The following FAM171A1 variants were observed in gnomAD, a reference collection of about 807,000 sequenced individuals.
FAM171A1 encodes protein FAM171A1.
FAM171A1 carries 23 observed loss-of-function variants against 74.9 expected under a neutral mutation model. The ratio of observed to expected loss-of-function variants is 0.31; its 90% confidence interval spans 0.22 to 0.44. The LOEUF (loss-of-function observed/expected upper bound fraction) is 0.44, where lower values mean the gene tolerates loss of function less well. Ranked by LOEUF, FAM171A1 falls within the 20% of genes least tolerant of loss-of-function variation. The probability of loss-of-function intolerance (pLI) is 1.00; values close to 1 mark genes in which losing one functional copy is unlikely to be tolerated. For missense variants in FAM171A1, 1,162 were observed against 1,159.2 expected (o/e 1.00, Z -0.03); for synonymous variants, 527 against 505.7 (o/e 1.04, Z -0.57).
chr10:15,342,865 T>C (rs1380613264), intron 1 of FAM171A1, among the ~76,000 whole-genome samples: 1 of 152,200 alleles, frequency 6.6e-6, no homozygotes, highest in Admixed American at 6.5e-5. Flanking sequence ...TTTTGATCAT[T>C]TGGAACCCTA....
Position 15,248,832 on chromosome 10 carries a change from T to G in FAM171A1, c.578-17A>C. 1 of 1,588,880 alleles carries G rather than the reference T, an allele frequency of 6.3e-7. No homozygotes were observed. Among genetic ancestry groups the G allele is most frequent in the African/African-American group, 1.3e-5 (1 of 74,204 alleles). Reference sequence around the variant, plus strand: ...TGCTGTTTCCTAGAAGGAAGAGGCATTTTCCATCATTTGCATGCAAAGTAC... The same window carrying G: ...TGCTGTTTCCTAGAAGGAAGAGGCAGTTTCCATCATTTGCATGCAAAGTAC... On this transcript the variant is annotated splice_polypyrimidine_tract_variant and intron_variant, in intron 4 of 7. Coordinates refer to ENST00000378116, the MANE Select transcript of FAM171A1 (RefSeq NM_001010924.2).
intron 1 of FAM171A1, among the ~76,000 whole-genome samples, chr10:15,311,947 G>A (rs538092708): frequency 6.6e-5 from 10 of 152,186 alleles, no homozygotes; most frequent in African/African-American, 9.6e-5. Context: ...TGTTCCTCAC[G>A]TACATTACGT....
chr10:15,260,843 C>T (rs546803725), intron 3 of FAM171A1, among the ~76,000 whole-genome samples: 57 of 152,234 alleles, frequency 3.7e-4, no homozygotes, highest in African/African-American at 1.3e-3. Context: ...TAGCAGCCCC[C>T]AAAATTTCTC....
rs1309000684 is a variant in FAM171A1, at chr10:15,212,000, A to C, written c.*915T>G. On this transcript the variant is annotated 3_prime_UTR_variant, in exon 8 of 8. Coordinates refer to ENST00000378116, the MANE Select transcript of FAM171A1 (RefSeq NM_001010924.2). ...GTTACACATGATAACTAGAGAGCAC[A>C]CTGTGTTGAAACGAGGATGCTGACC... 6.5e-6 allele frequency: 1 copy of C among 152,692 alleles called. No homozygotes were observed. The highest frequency in any genetic ancestry group is 1.5e-5 in the Non-Finnish European group (1 of 68,060). The allele number at this position is 152,692 out of a possible 1,614,324, so 9.5% of individuals were successfully genotyped here.
chr10:15,247,371 A>G (rs1834447941), intron 5 of FAM171A1, among the ~76,000 whole-genome samples: 1 of 152,188 alleles, frequency 6.6e-6, no homozygotes, highest in South Asian at 2.1e-4. Context: ...TCCTGGGCTC[A>G]AGCAATCCTC....
Position 15,264,980 on chromosome 10 carries a change from G to A in FAM171A1, c.419-10101C>T, listed in dbSNP as rs561400571. On this transcript the variant is annotated intron_variant, in intron 3 of 7. Transcript: ENST00000378116. ...TATTATCATTGCCATGCCTCAATACGACCGAGACAAGGAATCATACAATTA... is the reference window on the plus strand; with the variant it reads ...TATTATCATTGCCATGCCTCAATACAACCGAGACAAGGAATCATACAATTA... 1.1e-4 allele frequency among the ~76,000 whole-genome samples: 17 copies of A among 151,966 alleles called. 1 individual carries two copies. In the South Asian group the frequency reaches 3.1e-3, roughly 28 times the overall value.
intron 1 of FAM171A1, among the ~76,000 whole-genome samples, chr10:15,340,456 A>G (rs1297886808): frequency 6.6e-6 from 1 of 152,202 alleles, no homozygotes; most frequent in African/African-American, 2.4e-5. Context: ...AGTACAGTGC[A>G]TTGTGGAACT....
At chr10:15,266,686 C>A (rs1034997682) in intron 3 of FAM171A1, among the ~76,000 whole-genome samples, 1 of 151,698 alleles carries the variant, frequency 6.6e-6, no homozygotes, top group Non-Finnish European at 1.5e-5. Context: ...GGCAACATAG[C>A]GAGACCCCCG....
intron 5 of FAM171A1, among the ~76,000 whole-genome samples, chr10:15,232,954 C>T (rs1322248901): frequency 3.1e-4 from 47 of 152,218 alleles, no homozygotes; most frequent in Admixed American, 3.1e-3. Flanking sequence ...ATAGGAATAC[C>T]TGTTTTTCTA....
intron 1 of FAM171A1, among the ~76,000 whole-genome samples, chr10:15,328,150 A>T (rs1433616485): frequency 6.6e-6 from 1 of 151,494 alleles, no homozygotes; most frequent in African/African-American, 2.4e-5. Context: ...ACTGTTTTTT[A>T]AAATTTTTTC....
At chr10:15,236,517 G>GAGT (rs1301717679) in intron 5 of FAM171A1, among the ~76,000 whole-genome samples, 4 of 151,844 alleles carry the variant, frequency 2.6e-5, no homozygotes, top group Admixed American at 6.6e-5. Flanking sequence ...ACCACACAAC[G>GAGT]AGTCACCAGA....
At chr10:15,293,469 G>A (rs971095761) in intron 1 of FAM171A1, among the ~76,000 whole-genome samples, 1 of 151,998 alleles carries the variant, frequency 6.6e-6, no homozygotes, top group South Asian at 2.1e-4. Context: ...CTGTTTTTAA[G>A]GAGTTTACGG....
At chr10:15,318,537 G>A (rs977529610) in intron 1 of FAM171A1, among the ~76,000 whole-genome samples, 3 of 152,174 alleles carry the variant, frequency 2.0e-5, no homozygotes, top group African/African-American at 4.8e-5. Context: ...TGGATCCCGG[G>A]TGACAGAAAT....
chr10:15,327,424 C>T (rs561346950), intron 1 of FAM171A1, among the ~76,000 whole-genome samples: 1 of 152,244 alleles, frequency 6.6e-6, no homozygotes, highest in African/African-American at 2.4e-5. Flanking sequence ...CCAAGGCAGG[C>T]AGATCGCTTG....
intron 1 of FAM171A1, among the ~76,000 whole-genome samples, chr10:15,317,360 T>C (rs554306643): frequency 6.6e-6 from 1 of 152,286 alleles, no homozygotes; most frequent in Admixed American, 6.5e-5. Context: ...TATCTAAAAA[T>C]GAAGTCTGGT....
In FAM171A1 at chr10:15,259,279, C is replaced by T. The variant is rs111744750; in HGVS notation, c.419-4400G>A. ...CAACAGCGTATGTTACCTTATACTG[C>T]CTCTCACCTCAACTATTGTGAAAGC... On this transcript the variant is annotated intron_variant, in intron 3 of 7. Coordinates refer to ENST00000378116, the MANE Select transcript of FAM171A1 (RefSeq NM_001010924.2). Among the ~76,000 whole-genome samples, 115 of 152,268 alleles carry T rather than the reference C, an allele frequency of 7.6e-4. 1 individual carries two copies. The highest frequency in any genetic ancestry group is 2.7e-3 in the African/African-American group (111 of 41,554).
intron 1 of FAM171A1, among the ~76,000 whole-genome samples, chr10:15,365,196 A>G (rs1435938736): frequency 6.6e-6 from 1 of 152,170 alleles, no homozygotes; most frequent in African/African-American, 2.4e-5. Context: ...TTTATCTATG[A>G]GATTCCTACT....
intron 1 of FAM171A1, among the ~76,000 whole-genome samples, chr10:15,301,187 T>A (rs1195941724): frequency 1.3e-5 from 2 of 151,974 alleles, no homozygotes; most frequent in Admixed American, 1.3e-4. Context: ...ATGTTTCTGT[T>A]TTTGAGAGAC....
chr10:15,332,698 T>G (rs1835654894), intron 1 of FAM171A1, among the ~76,000 whole-genome samples: 1 of 152,208 alleles, frequency 6.6e-6, no homozygotes, highest in South Asian at 2.1e-4. Context: ...ACAGTGGGCC[T>G]CAGGCAATGC....
Sources: gnomAD v4.1 joint callset for allele counts (sites outside exome capture counted in the v4.1 genomes callset) on GRCh38, gnomAD v4.1.1 for gene constraint, MANE v1.5 for transcripts, NCBI Gene and HGNC (gene_info 2026-07-23, HGNC 2026-07-21) for gene names.